Variants in TRIM44 observed in about 807,000 individuals in gnomAD.
The protein encoded by TRIM44 is tripartite motif-containing protein 44.
In TRIM44, 13 loss-of-function variants were observed where a neutral mutation model predicts 37.4. The observed-to-expected ratio is 0.35, with a 90% CI of 0.23 to 0.55. The LOEUF (loss-of-function observed/expected upper bound fraction) is 0.55. Among genes scored for constraint, TRIM44 ranks in the 20% least tolerant of loss-of-function variants. The probability of loss-of-function intolerance (pLI) is 0.89; values close to 1 mark genes in which losing one functional copy is unlikely to be tolerated. For missense variants in TRIM44, 426 were observed against 437.2 expected (o/e 0.97, Z 0.23); for synonymous variants, 175 against 157.2 (o/e 1.11, Z -0.85).
intron 4 of TRIM44, among the ~76,000 whole-genome samples, chr11:35,740,428 T>C (rs1852382047): frequency 1.3e-5 from 2 of 152,126 alleles, no homozygotes; most frequent in South Asian, 4.1e-4. Context: ...TAGATTTTGA[T>C]TTGCTATTGA....
At position 35,723,083 on chromosome 11, in the gene TRIM44, GTCTC is replaced by G. The variant is rs771514117; in HGVS notation, c.748-2831_748-2828del. Among the ~76,000 whole-genome samples, 8 of 139,514 alleles carry G rather than the reference GTCTC, an allele frequency of 5.7e-5. No homozygotes were observed. The South Asian group carries it at 7.1e-4, about 12-fold the overall frequency. The allele number at this position is 139,514 out of a possible 152,430, so 91.5% of individuals were successfully genotyped here. Reference sequence around the variant, plus strand: ...CCCCTTCCAACTCTCTCCCTCCCTCGTCTCTCTCTCTCTTTCTCTATCTCTCCTT... The same window carrying G: ...CCCCTTCCAACTCTCTCCCTCCCTCGTCTCTCTCTTTCTCTATCTCTCCTT... On this transcript the variant is annotated intron_variant, in intron 2 of 4. Coordinates refer to ENST00000299413, the MANE Select transcript of TRIM44 (RefSeq NM_017583.6).
chr11:35,777,958 A>G (rs184894104), intron 4 of TRIM44, among the ~76,000 whole-genome samples: 1,943 of 152,184 alleles, frequency 0.013, 46 homozygotes, highest in African/African-American at 0.044. Context: ...CTCAAGGAGT[A>G]TCTTTGTGGC....
At position 35,663,174 on chromosome 11, in the gene TRIM44, C is replaced by T. The variant is rs146195111; in HGVS notation, c.63C>T (p.Cys21=). ...ELPHDGTCDE[C]EPDEAPGAEE... is the part of the protein sequence containing the mutation. ...CTCACGACGGCACGTGTGACGAGTGCGAGCCCGACGAGGCTCCGGGGGCCG... is the reference window on the plus strand; with the variant it reads ...CTCACGACGGCACGTGTGACGAGTGTGAGCCCGACGAGGCTCCGGGGGCCG... The change falls in exon 1 of 5, where the codon TGC becomes TGT. Residue 21 remains cysteine (C), a synonymous_variant. Transcript: ENST00000299413. The T allele has an allele frequency of 7.0e-6, 11 of 1,572,432 alleles. No individual in the cohort carries two copies. The highest frequency in any genetic ancestry group is 9.5e-6 in the Non-Finnish European group (11 of 1,159,372).
Position 35,691,157 on chromosome 11 carries a change from C to T in TRIM44, c.747+5821C>T, listed in dbSNP as rs532950159. ...CATAACCCTCAGAGCATTTAGCCCTCGCTAAATGAAGAACTGAGGCAAGTG... is the reference window on the plus strand; with the variant it reads ...CATAACCCTCAGAGCATTTAGCCCTTGCTAAATGAAGAACTGAGGCAAGTG... On this transcript the variant is annotated intron_variant, in intron 2 of 4. Transcript: ENST00000299413. Among the ~76,000 whole-genome samples, 13 of 152,172 alleles carry T rather than the reference C, an allele frequency of 8.5e-5. 1 individual carries two copies. Among genetic ancestry groups the T allele is most frequent in the Admixed American group, 3.9e-4 (6 of 15,288 alleles).
intron 4 of TRIM44, among the ~76,000 whole-genome samples, chr11:35,798,921 ATAATGG>A (rs756017319): frequency 2.6e-5 from 4 of 152,218 alleles, no homozygotes; most frequent in Non-Finnish European, 4.4e-5. Flanking sequence ...TGGTGGTAAC[ATAATGG>A]AATTTTTTTT....
intron 2 of TRIM44, among the ~76,000 whole-genome samples, chr11:35,717,739 A>G (rs75774561): frequency 6.6e-6 from 1 of 152,178 alleles, no homozygotes; most frequent in East Asian, 1.9e-4. Flanking sequence ...AGAGGAAAGC[A>G]CCAAGATAGA....
At chr11:35,788,962 G>C (rs914980657) in intron 4 of TRIM44, among the ~76,000 whole-genome samples, 3 of 151,942 alleles carry the variant, frequency 2.0e-5, no homozygotes, top group Non-Finnish European at 2.9e-5. Context: ...TTTCTTTCTT[G>C]TGTATATTTC....
At chr11:35,693,602 T>C (rs761991047) in intron 2 of TRIM44, among the ~76,000 whole-genome samples, 2 of 152,286 alleles carry the variant, frequency 1.3e-5, no homozygotes, top group South Asian at 2.1e-4. Flanking sequence ...GTTTGGTCTG[T>C]TGGGGCCTAG....
At position 35,729,409 on chromosome 11, in the gene TRIM44, C is replaced by T. The variant is rs570495672; in HGVS notation, c.987+3246C>T. Among the ~76,000 whole-genome samples, 10 of 152,266 alleles carry T rather than the reference C, an allele frequency of 6.6e-5. No individual in the cohort carries two copies. The East Asian group carries it at 9.7e-4, about 15-fold the overall frequency. On this transcript the variant is annotated intron_variant, in intron 3 of 4. Coordinates refer to ENST00000299413, the MANE Select transcript of TRIM44 (RefSeq NM_017583.6). ...GAGTGGAACCCATCTCCTATGCATC[C>T]GTAGGTGGAACTCTGACTTCTGCCG...
At chr11:35,715,148 G>C (rs1290906070) in intron 2 of TRIM44, among the ~76,000 whole-genome samples, 1 of 152,148 alleles carries the variant, frequency 6.6e-6, no homozygotes, top group African/African-American at 2.4e-5. Flanking sequence ...TACACATCAA[G>C]TTGTCATGGC....
In TRIM44 at chr11:35,816,259, A is replaced by G. The variant is rs1853579431; in HGVS notation, c.*9874A>G. 2 of 152,210 alleles carry G rather than the reference A, an allele frequency of 1.3e-5. No homozygotes were observed. Among genetic ancestry groups the G allele is most frequent in the South Asian group, 4.1e-4 (2 of 4,826 alleles). The allele number at this position is 152,210 out of a possible 1,614,324, so 9.4% of individuals were successfully genotyped here. On this transcript the variant is annotated 3_prime_UTR_variant, in exon 5 of 5. Transcript: ENST00000299413. The stretch of plus-strand genomic sequence containing the variant: ...GAGTAAGAAATTGAATTTGTGAGAA[A>G]AAAAAACAGCTGAGACTGTTTCACA...
At chr11:35,686,246 G>C (rs540746474) in intron 2 of TRIM44, among the ~76,000 whole-genome samples, 36 of 152,188 alleles carry the variant, frequency 2.4e-4, no homozygotes, top group African/African-American at 8.7e-4. Context: ...TTCCTACCCA[G>C]ACACTTACTG....
chr11:35,768,565 A>C (rs1000618937), intron 4 of TRIM44, among the ~76,000 whole-genome samples: 1 of 152,226 alleles, frequency 6.6e-6, no homozygotes, highest in African/African-American at 2.4e-5. Context: ...CTGAAGATAG[A>C]AATGAATTCT....
Position 35,810,559 on chromosome 11 carries a change from T to A in TRIM44, c.*4174T>A, listed in dbSNP as rs1853516500. 1 of 152,130 alleles carries A rather than the reference T, an allele frequency of 6.6e-6. No individual in the cohort carries two copies. Among genetic ancestry groups the A allele is most frequent in the Non-Finnish European group, 1.5e-5 (1 of 68,036 alleles). The allele number at this position is 152,130 out of a possible 1,614,324, so 9.4% of individuals were successfully genotyped here. A position where few individuals can be genotyped will look rare whatever the true frequency, so the allele number is the denominator to read the frequency against. On this transcript the variant is annotated 3_prime_UTR_variant, in exon 5 of 5. Transcript: ENST00000299413. ...CAGTTCTTGATTCTGGAGGCCTGCC[T>A]GGTAAGATAAGATAGTATAATTTGG...
Position 35,757,372 on chromosome 11 carries a change from G to A in TRIM44, c.1007+21927G>A, listed in dbSNP as rs560962452. Among the ~76,000 whole-genome samples, 1,070 of 151,958 alleles carry A rather than the reference G, an allele frequency of 7.0e-3. 14 individuals carry two copies. Among genetic ancestry groups the A allele is most frequent in the Non-Finnish European group, 7.7e-3 (521 of 67,982 alleles). On this transcript the variant is annotated intron_variant, in intron 4 of 4. Coordinates refer to ENST00000299413, the MANE Select transcript of TRIM44 (RefSeq NM_017583.6). ...TATCCCCTTTATCATTTTTTATTGCGTCTATTTGATTCTTCTCTCTTTTCT... is the reference window on the plus strand; with the variant it reads ...TATCCCCTTTATCATTTTTTATTGCATCTATTTGATTCTTCTCTCTTTTCT...
chr11:35,685,447 T>A, intron 2 of TRIM44, 111 bp downstream of exon 2: 1 of 851,076 alleles, frequency 1.2e-6, no homozygotes, highest in Non-Finnish European at 1.9e-6. Context: ...CATTAAGATT[T>A]AATTAAGCCT....
intron 1 of TRIM44, among the ~76,000 whole-genome samples, chr11:35,665,586 G>GTTTTTTTTTTTTTTT (rs35522287): frequency 4.2e-5 from 3 of 71,520 alleles, no homozygotes; most frequent in Admixed American, 1.4e-4. Context: ...TTATATATCT[G>GTTTTTTTTTTTTTTT]TTTTTTTTTT....
chr11:35,753,376 A>G (rs1236447131), intron 4 of TRIM44, among the ~76,000 whole-genome samples: 2 of 152,338 alleles, frequency 1.3e-5, no homozygotes, highest in Non-Finnish European at 2.9e-5. Context: ...CAGCTCTTAC[A>G]GCTTGACAGA....
At chr11:35,806,300 T>G in intron 4 of TRIM44, 58 bp from the exon 5 acceptor site, 2 of 1,595,340 alleles carry the variant, frequency 1.3e-6, no homozygotes, top group African/African-American at 1.3e-5. Flanking sequence ...ACCAGTAGAC[T>G]AGGCTGCCTC....
Sources: allele counts gnomAD v4.1 joint callset (sites outside exome capture counted in the v4.1 genomes callset), GRCh38; gene constraint gnomAD v4.1.1; transcripts MANE v1.5; gene names NCBI Gene and HGNC (gene_info 2026-07-23, HGNC 2026-07-21).